Variants in FBXO42 observed in about 807,000 individuals in gnomAD.
The protein encoded by FBXO42 is F-box protein 42, also known as F-box only protein 42.
Under a neutral mutation model 71.7 loss-of-function variants are expected in FBXO42, and 12 were observed. That is an observed-to-expected ratio of 0.17 (90% CI 0.11 to 0.27). FBXO42 has a LOEUF of 0.27. Ranked by LOEUF, FBXO42 falls within the 10% of genes least tolerant of loss-of-function variation. FBXO42 has a pLI of 1.00. For missense variants in FBXO42, 707 were observed against 911.9 expected, an observed-to-expected ratio of 0.78 and a Z score of 2.89; for synonymous variants, 325 against 327.5, an observed-to-expected ratio of 0.99 and a Z score of 0.08.
At chr1:16,316,295 T>C (rs11805249) in intron 1 of FBXO42, among the ~76,000 whole-genome samples, 52,987 of 151,958 alleles carry the variant, frequency 0.35, 9,703 homozygotes, top group African/African-American at 0.41. Flanking sequence ...CCTGCAACTG[T>C]GGTGTTTACC....
chr1:16,267,710 A>G (rs2081794056), intron 4 of FBXO42, among the ~76,000 whole-genome samples: 1 of 152,206 alleles, frequency 6.6e-6, no homozygotes, highest in Non-Finnish European at 1.5e-5. Flanking sequence ...ATTGACATCA[A>G]CATTCACTGG....
At chr1:16,317,168 A>G (rs2082375491) in intron 1 of FBXO42, among the ~76,000 whole-genome samples, 1 of 152,168 alleles carries the variant, frequency 6.6e-6, no homozygotes, top group South Asian at 2.1e-4. Context: ...CCGTAATCCC[A>G]GCACTTTGGG....
chr1:16,284,242 T>C (rs1296955857), intron 4 of FBXO42, among the ~76,000 whole-genome samples: 1 of 152,220 alleles, frequency 6.6e-6, no homozygotes, highest in Non-Finnish European at 1.5e-5. Context: ...TGGCCAGGAT[T>C]TCCAATGGTT....
chr1:16,310,672 T>C (rs2100566958), intron 2 of FBXO42, among the ~76,000 whole-genome samples: 1 of 152,274 alleles, frequency 6.6e-6, no homozygotes, highest in African/African-American at 2.4e-5. Flanking sequence ...AAGACAGTTA[T>C]ATAGAATATC....
chr1:16,338,671 C>A (rs1326659619), intron 1 of FBXO42, among the ~76,000 whole-genome samples: 1 of 152,010 alleles, frequency 6.6e-6, no homozygotes, highest in Admixed American at 6.6e-5. Flanking sequence ...TACAATCCCA[C>A]AATGCTCCTA....
At chr1:16,280,752 A>G (rs2081955056) in intron 4 of FBXO42, among the ~76,000 whole-genome samples, 2 of 152,072 alleles carry the variant, frequency 1.3e-5, no homozygotes, top group African/African-American at 2.4e-5. Flanking sequence ...CCAGCTTGGG[A>G]GAGAGAGTGA....
intron 3 of FBXO42, among the ~76,000 whole-genome samples, chr1:16,301,508 C>A (rs2082194371): frequency 6.6e-6 from 1 of 151,560 alleles, no homozygotes; most frequent in South Asian, 2.1e-4. Context: ...ACTAAAACTA[C>A]AAAAATTAGC....
intron 5 of FBXO42, among the ~76,000 whole-genome samples, chr1:16,256,277 G>T (rs2081643805): frequency 6.6e-6 from 1 of 152,198 alleles, no homozygotes; most frequent in South Asian, 2.1e-4. Flanking sequence ...GAATCATCTG[G>T]ATCTACAACA....
At chr1:16,291,700 C>T (rs1436409420) in intron 4 of FBXO42, among the ~76,000 whole-genome samples, 2 of 151,896 alleles carry the variant, frequency 1.3e-5, no homozygotes, top group Non-Finnish European at 2.9e-5. Context: ...GAGACAGGGT[C>T]TCCCTCTTTC....
At chr1:16,292,605 G>A (rs1334249303) in intron 4 of FBXO42, 2 of 151,712 alleles carry the variant, frequency 1.3e-5, no homozygotes, top group South Asian at 2.1e-4. Context: ...CCACAAAGCA[G>A]TCTTTAAACT....
intron 4 of FBXO42, among the ~76,000 whole-genome samples, chr1:16,271,239 CTGTGTGCGTGTGTGTGTTGGTGTG>C (rs1210167978): frequency 1.1e-4 from 16 of 144,488 alleles, no homozygotes; most frequent in African/African-American, 3.9e-4. Flanking sequence ...TCCCTAACTA[CTGTGTGCGTGTGTGTGTTGGTGTG>C]TGTGTGTGTG....
At chr1:16,275,892 G>T (rs1015008715) in intron 4 of FBXO42, among the ~76,000 whole-genome samples, 1 of 152,082 alleles carries the variant, frequency 6.6e-6, no homozygotes, top group Non-Finnish European at 1.5e-5. Flanking sequence ...TGTAATCCCA[G>T]CTACTCGGGA....
chr1:16,264,750 G>A (rs909224907), intron 4 of FBXO42, among the ~76,000 whole-genome samples: 7 of 152,188 alleles, frequency 4.6e-5, no homozygotes, highest in African/African-American at 1.7e-4. Context: ...GGCAGCTGTG[G>A]CAAACTGAAT....
At chr1:16,300,893 C>CTTTTTTT (rs34549210) in intron 3 of FBXO42, among the ~76,000 whole-genome samples, 5 of 100,894 alleles carry the variant, frequency 5.0e-5, no homozygotes, top group Admixed American at 1.1e-4. Flanking sequence ...TAGAATTGGC[C>CTTTTTTT]TTTTTTTTTT....
At chr1:16,336,627 G>T (rs1224897569) in intron 1 of FBXO42, among the ~76,000 whole-genome samples, 3 of 151,778 alleles carry the variant, frequency 2.0e-5, no homozygotes, top group Non-Finnish European at 2.9e-5. Flanking sequence ...AAAGTGCTGG[G>T]ATTACAGGCA....
rs58594138 is a variant in FBXO42, at chr1:16,309,057, C to CTTT, written c.251-3141_251-3139dup. ...CATGCCAGGCCGGGAGACCCCATCTCTTTTTTTTTTTTTTTTTTTTTTTTT... is the reference window on the plus strand; with the variant it reads ...CATGCCAGGCCGGGAGACCCCATCTCTTTTTTTTTTTTTTTTTTTTTTTTTTTT... On this transcript the variant is annotated intron_variant, in intron 2 of 9. Coordinates refer to ENST00000375592, the MANE Select transcript of FBXO42 (RefSeq NM_018994.3). Among the ~76,000 whole-genome samples, 6 of 38,748 alleles carry CTTT rather than the reference C, an allele frequency of 1.5e-4. 1 individual carries two copies. The highest frequency in any genetic ancestry group is 6.0e-4 in the African/African-American group (5 of 8,330). The allele number at this position is 38,748 out of a possible 152,430, so 25.4% of individuals were successfully genotyped here. A position where few individuals can be genotyped will look rare whatever the true frequency, so the allele number is the denominator to read the frequency against.
chr1:16,283,960 T>C (rs2100508217), intron 4 of FBXO42, among the ~76,000 whole-genome samples: 1 of 151,856 alleles, frequency 6.6e-6, no homozygotes, highest in Non-Finnish European at 1.5e-5. Context: ...CAGTATGACT[T>C]ACGTTGACTC....
At chr1:16,299,067 A>G (rs1569881243) in intron 3 of FBXO42, among the ~76,000 whole-genome samples, 1 of 151,182 alleles carries the variant, frequency 6.6e-6, no homozygotes, top group African/African-American at 2.4e-5. Flanking sequence ...GGCTGGAGTG[A>G]AATGGTACAA....
In FBXO42 at chr1:16,247,267, G is replaced by A. The variant is rs920478355; in HGVS notation, c.*3403C>T. The A allele has an allele frequency of 6.6e-6, 1 of 152,252 alleles. No homozygotes were observed. Among genetic ancestry groups the A allele is most frequent in the African/African-American group, 2.4e-5 (1 of 41,438 alleles). The allele number at this position is 152,252 out of a possible 1,614,324, so 9.4% of individuals were successfully genotyped here. Reference sequence around the variant, plus strand: ...GGAAATTCAGCTTCCTCACCACCAGGCGTGGTTAGATCCTCCCCACTGACT... The same window carrying A: ...GGAAATTCAGCTTCCTCACCACCAGACGTGGTTAGATCCTCCCCACTGACT... On this transcript the variant is annotated 3_prime_UTR_variant, in exon 10 of 10. Coordinates refer to ENST00000375592, the MANE Select transcript of FBXO42 (RefSeq NM_018994.3).
Sources: allele counts gnomAD v4.1 joint callset (sites outside exome capture counted in the v4.1 genomes callset), GRCh38; gene constraint gnomAD v4.1.1; transcripts MANE v1.5; gene names NCBI Gene and HGNC (gene_info 2026-07-23, HGNC 2026-07-21).